COL5A2: variants seen among roughly 807,000 people sequenced by gnomAD.
COL5A2 encodes collagen type V alpha 2 chain, also known as collagen alpha-2(V) chain.
COL5A2 carries 23 observed loss-of-function variants against 208.2 expected under a neutral mutation model. That is an observed-to-expected ratio of 0.11 (90% CI 0.08 to 0.16). The LOEUF is 0.16. Ranked by LOEUF, COL5A2 falls within the 10% of genes least tolerant of loss-of-function variation. The probability of loss-of-function intolerance (pLI) is 1.00; values close to 1 mark genes in which losing one functional copy is unlikely to be tolerated. For synonymous variants in COL5A2, 625 were observed against 628.5 expected (o/e 0.99, Z 0.08); for missense variants, 1,590 against 1,956.4 (o/e 0.81, Z 3.53).
At chr2:189,298,220 G>A in the COL5A2 span, among the ~76,000 whole-genome samples, 1 of 152,156 alleles carries the variant, frequency 6.6e-6, no homozygotes, top group Non-Finnish European at 1.5e-5. Context: ...TTGACTGGCT[G>A]CTATTATAAC....
At chr2:189,283,185 G>A in the COL5A2 span, among the ~76,000 whole-genome samples, 1 of 151,368 alleles carries the variant, frequency 6.6e-6, no homozygotes, top group Admixed American at 6.6e-5. Flanking sequence ...AAATAAAGAG[G>A]AAGGAAAGAG....
At chr2:189,318,750 C>T in the COL5A2 span, among the ~76,000 whole-genome samples, 2 of 152,182 alleles carry the variant, frequency 1.3e-5, no homozygotes, top group African/African-American at 4.8e-5. Context: ...CATCTCCTCT[C>T]TCAGATCTGG....
At chr2:189,381,746 G>C in the COL5A2 span, among the ~76,000 whole-genome samples, 1 of 151,970 alleles carries the variant, frequency 6.6e-6, no homozygotes, top group African/African-American at 2.4e-5. Flanking sequence ...AATTTAAAAA[G>C]TGAAATAAAA....
At chr2:189,126,376 A>G (rs934782232) in intron 1 of COL5A2, among the ~76,000 whole-genome samples, 2 of 152,094 alleles carry the variant, frequency 1.3e-5, no homozygotes, top group East Asian at 1.9e-4. Context: ...AAATGTTAAT[A>G]TCTAGTGTTT....
the COL5A2 span, chr2:189,311,596 G>C: frequency 6.2e-5 from 71 of 1,151,530 alleles, no homozygotes; most frequent in Middle Eastern, 2.7e-4. Flanking sequence ...TGTTCTCCAA[G>C]CTGGCCTTCA....
intron 1 of COL5A2, among the ~76,000 whole-genome samples, chr2:189,206,525 C>G (rs1689145506): frequency 6.6e-6 from 1 of 152,196 alleles, no homozygotes; most frequent in Admixed American, 6.5e-5. Context: ...CTCCAAAATA[C>G]ACCCTGGGAT....
At chr2:189,220,348 T>C (rs1417823647) in intron 1 of COL5A2, among the ~76,000 whole-genome samples, 1 of 152,198 alleles carries the variant, frequency 6.6e-6, no homozygotes, top group Non-Finnish European at 1.5e-5. Context: ...GTCTGTCATT[T>C]TCCAAAGTCA....
chr2:189,081,390 G>A (rs1686530866), intron 12 of COL5A2, among the ~76,000 whole-genome samples: 1 of 151,986 alleles, frequency 6.6e-6, no homozygotes, highest in Admixed American at 6.5e-5. Context: ...TCCAACATGA[G>A]AATTGACTAT....
chr2:189,091,775 T>G (rs941446510), intron 7 of COL5A2, among the ~76,000 whole-genome samples: 1 of 152,224 alleles, frequency 6.6e-6, no homozygotes, highest in African/African-American at 2.4e-5. Flanking sequence ...AAATCCCCTA[T>G]GTCTGACATT....
the COL5A2 span, among the ~76,000 whole-genome samples, chr2:189,283,247 G>A: frequency 1.3e-5 from 2 of 151,834 alleles, no homozygotes; most frequent in Admixed American, 1.3e-4. Flanking sequence ...GAGAAAAAAG[G>A]GAAGAAGGAG....
At chr2:189,041,779 T>G (rs1204576769) in intron 49 of COL5A2, 86 bp from the exon 50 acceptor site, 6 of 822,652 alleles carry the variant, frequency 7.3e-6, no homozygotes, top group African/African-American at 3.4e-5. Context: ...ATTTTACATA[T>G]GGAGCTGTAA....
At chr2:189,316,453 A>G in the COL5A2 span, among the ~76,000 whole-genome samples, 1 of 152,110 alleles carries the variant, frequency 6.6e-6, no homozygotes, top group African/African-American at 2.4e-5. Context: ...GCAAACCACC[A>G]TGGCACATGT....
intron 1 of COL5A2, among the ~76,000 whole-genome samples, chr2:189,185,826 G>A (rs1688845197): frequency 6.6e-6 from 1 of 152,154 alleles, no homozygotes; most frequent in Non-Finnish European, 1.5e-5. Flanking sequence ...GAATGACCGT[G>A]AGACAAGTGG....
At chr2:189,224,780 GA>G (rs746852141) in intron 1 of COL5A2, among the ~76,000 whole-genome samples, 17 of 151,922 alleles carry the variant, frequency 1.1e-4, no homozygotes, top group Non-Finnish European at 2.2e-4. Context: ...TTTTCAACTT[GA>G]AAAGTCAAAA....
chr2:189,068,750 T>G (rs551600669), intron 19 of COL5A2, 36 bp downstream of exon 19: 6 of 1,419,092 alleles, frequency 4.2e-6, no homozygotes, highest in Non-Finnish European at 6.0e-6. Flanking sequence ...AATGTCCAGC[T>G]TTCTGGGCTG....
chr2:189,192,896 G>T (rs1419008477), intron 1 of COL5A2, among the ~76,000 whole-genome samples: 3 of 152,114 alleles, frequency 2.0e-5, no homozygotes, highest in Non-Finnish European at 4.4e-5. Flanking sequence ...ACAAGAGTGT[G>T]CTACTTATCA....
At chr2:189,160,789 T>G (rs1210410191) in intron 1 of COL5A2, among the ~76,000 whole-genome samples, 1 of 151,936 alleles carries the variant, frequency 6.6e-6, no homozygotes, top group Non-Finnish European at 1.5e-5. Context: ...TCCTGAGAAT[T>G]TCTTCATGTA....
At chr2:189,187,753 G>T (rs948964732) in intron 1 of COL5A2, among the ~76,000 whole-genome samples, 2 of 152,036 alleles carry the variant, frequency 1.3e-5, no homozygotes, top group African/African-American at 2.4e-5. Context: ...GGCAGATCAC[G>T]AGTCAGGAGA....
At chr2:189,362,533 CTT>C in the COL5A2 span, among the ~76,000 whole-genome samples, 1 of 152,116 alleles carries the variant, frequency 6.6e-6, no homozygotes, top group Admixed American at 6.5e-5. Context: ...TGATTAACAA[CTT>C]GTCTTAGTGC....
Sources: gnomAD v4.1 joint callset for allele counts (sites outside exome capture counted in the v4.1 genomes callset) on GRCh38, gnomAD v4.1.1 for gene constraint, MANE v1.5 for transcripts, NCBI Gene and HGNC (gene_info 2026-07-23, HGNC 2026-07-21) for gene names.